The following PDE1A variants were observed in gnomAD, a reference collection of about 807,000 sequenced individuals.
PDE1A encodes the protein phosphodiesterase 1A.
Under a neutral mutation model 61.7 loss-of-function variants are expected in PDE1A, and 35 were observed. The observed-to-expected ratio is 0.57, with a 90% CI of 0.43 to 0.75. The LOEUF (loss-of-function observed/expected upper bound fraction) is 0.75. Ranked by LOEUF, PDE1A falls within the 30% of genes least tolerant of loss-of-function variation. The pLI is 0.00. For missense variants in PDE1A, 597 were observed against 630.6 expected (o/e 0.95, Z 0.57); for synonymous variants, 232 against 213.2 (o/e 1.09, Z -0.77).
At chr2:182,586,396 C>T in the PDE1A span, among the ~76,000 whole-genome samples, 1 of 152,188 alleles carries the variant, frequency 6.6e-6, no homozygotes, top group Non-Finnish European at 1.5e-5. Context: ...CTCTTGCTCT[C>T]CATGACTTTG....
At chr2:182,253,364 A>G (rs1208026109) in intron 2 of PDE1A, among the ~76,000 whole-genome samples, 2 of 152,224 alleles carry the variant, frequency 1.3e-5, no homozygotes, top group African/African-American at 4.8e-5. Flanking sequence ...CAGGAAGTCA[A>G]TGATATCACC....
the PDE1A span, among the ~76,000 whole-genome samples, chr2:182,706,205 C>T: frequency 6.6e-6 from 1 of 152,170 alleles, no homozygotes; most frequent in Non-Finnish European, 1.5e-5. Flanking sequence ...TTAGCGGCTA[C>T]TCCCTTCTCT....
At chr2:182,515,550 A>G (rs575374355) in intron 2 of PDE1A, among the ~76,000 whole-genome samples, 3 of 152,252 alleles carry the variant, frequency 2.0e-5, no homozygotes, top group Non-Finnish European at 2.9e-5. Flanking sequence ...TCTATAAACT[A>G]TAACATAATG....
the PDE1A span, among the ~76,000 whole-genome samples, chr2:182,697,267 A>G: frequency 2.0e-5 from 3 of 152,206 alleles, no homozygotes; most frequent in African/African-American, 4.8e-5. Flanking sequence ...CTCACACACC[A>G]AAGTTTGCAT....
chr2:182,437,465 C>G (rs1382150463), intron 2 of PDE1A, among the ~76,000 whole-genome samples: 1 of 151,858 alleles, frequency 6.6e-6, no homozygotes, highest in Non-Finnish European at 1.5e-5. Context: ...ACTTGTAAAG[C>G]TAAGAGTTAC....
intron 1 of PDE1A, among the ~76,000 whole-genome samples, chr2:182,404,382 T>A (rs770539462): frequency 3.0e-4 from 46 of 152,206 alleles, no homozygotes; most frequent in Non-Finnish European, 6.2e-4. Flanking sequence ...ACAGAAGACA[T>A]TACTGTACAC....
chr2:182,231,534 CTTTCT>C (rs1425385069), intron 4 of PDE1A, among the ~76,000 whole-genome samples: 2 of 152,056 alleles, frequency 1.3e-5, no homozygotes, highest in Non-Finnish European at 2.9e-5. Flanking sequence ...CCCGGTTTTT[CTTTCT>C]TACTCACTTG....
At chr2:182,231,935 T>C (rs1238071182) in intron 4 of PDE1A, among the ~76,000 whole-genome samples, 3 of 152,126 alleles carry the variant, frequency 2.0e-5, no homozygotes, top group Admixed American at 1.3e-4. Context: ...GAAAGAAAGA[T>C]AGAAAAATAT....
chr2:182,177,519 TC>T (rs550626472), intron 13 of PDE1A, among the ~76,000 whole-genome samples: 10 of 152,310 alleles, frequency 6.6e-5, no homozygotes, highest in African/African-American at 2.4e-4. Flanking sequence ...AAATAGGGAA[TC>T]CTTTCCCTAT....
At chr2:182,472,213 C>A (rs1687070753) in intron 2 of PDE1A, among the ~76,000 whole-genome samples, 1 of 151,762 alleles carries the variant, frequency 6.6e-6, no homozygotes, top group Non-Finnish European at 1.5e-5. Context: ...TTGGTATCTA[C>A]CCAAAGGAAA....
the PDE1A span, among the ~76,000 whole-genome samples, chr2:182,530,415 A>G: frequency 1.3e-5 from 2 of 152,212 alleles, no homozygotes; most frequent in African/African-American, 4.8e-5. Flanking sequence ...ACATACACCT[A>G]GAGACTCAGG....
chr2:182,626,427 T>C, the PDE1A span, among the ~76,000 whole-genome samples: 2 of 151,966 alleles, frequency 1.3e-5, no homozygotes, highest in African/African-American at 4.8e-5. Context: ...TTTTAAAATG[T>C]TATCTGTTTA....
rs563543783 is a variant in PDE1A, at chr2:182,234,158, AC to A, written c.417+273del. Among the ~76,000 whole-genome samples the A allele has an allele frequency of 2.6e-3, 394 of 152,300 alleles. 1 individual carries two copies. The highest frequency in any genetic ancestry group is 9.2e-3 in the African/African-American group (382 of 41,564). ...CCATTTCAAAATGAATTCAAGATCC[AC>A]ATAAATAAAATTAAGAAAAAAAACA... On this transcript the variant is annotated intron_variant, in intron 4 of 13. Coordinates refer to ENST00000351439, the Ensembl canonical transcript of PDE1A.
intron 2 of PDE1A, among the ~76,000 whole-genome samples, chr2:182,252,874 A>C (rs2125738608): frequency 6.6e-6 from 1 of 152,326 alleles, no homozygotes; most frequent in South Asian, 2.1e-4. Context: ...ATGAGATAAA[A>C]GAGATGGAGA....
At chr2:182,380,112 T>TC (rs1171812599) in intron 1 of PDE1A, among the ~76,000 whole-genome samples, 3 of 143,110 alleles carry the variant, frequency 2.1e-5, no homozygotes, top group African/African-American at 7.7e-5. Context: ...TCCTCTTTTT[T>TC]TTTTTTTTTT....
chr2:182,160,473 C>A (rs1452558042), intron 13 of PDE1A, among the ~76,000 whole-genome samples: 1 of 152,094 alleles, frequency 6.6e-6, no homozygotes, highest in Non-Finnish European at 1.5e-5. Context: ...TTTCTTTTGG[C>A]CTCTCTGTCT....
chr2:182,524,035 T>A (rs1574856095), upstream of PDE1A, among the ~76,000 whole-genome samples: 1 of 152,210 alleles, frequency 6.6e-6, no homozygotes, highest in Non-Finnish European at 1.5e-5. Flanking sequence ...CTGAATGTAA[T>A]GTCTTTAGCT....
At chr2:182,180,541 G>A (rs1459415315) in intron 13 of PDE1A, among the ~76,000 whole-genome samples, 2 of 152,180 alleles carry the variant, frequency 1.3e-5, no homozygotes, top group African/African-American at 4.8e-5. Context: ...TTCAACCTTG[G>A]AGAATCTGAA....
At chr2:182,270,416 C>A (rs914442892) in intron 1 of PDE1A, among the ~76,000 whole-genome samples, 1 of 152,016 alleles carries the variant, frequency 6.6e-6, no homozygotes, top group African/African-American at 2.4e-5. Flanking sequence ...CGTTACATAA[C>A]CCAATCTTGC....
Sources: allele counts gnomAD v4.1 joint callset (sites outside exome capture counted in the v4.1 genomes callset), GRCh38; gene constraint gnomAD v4.1.1; transcripts MANE v1.5; gene names NCBI Gene and HGNC (gene_info 2026-07-23, HGNC 2026-07-21).